C8orf34: variants seen among roughly 807,000 people sequenced by gnomAD.
C8orf34 encodes uncharacterized protein C8orf34.
A neutral mutation model predicts 68.3 loss-of-function variants in C8orf34; 65 were observed. The ratio of observed to expected loss-of-function variants is 0.95; its 90% CI spans 0.78 to 1.17. C8orf34 has a LOEUF of 1.17. C8orf34 is among the 50% of genes most tolerant of loss of function. The pLI is 0.00. For missense variants in C8orf34, 664 were observed against 655.4 expected (o/e 1.01, Z -0.14); for synonymous variants, 244 against 241.2 (o/e 1.01, Z -0.11).
chr8:68,420,106 G>A lies in C8orf34; in HGVS notation c.328-19393G>A, dbSNP rs546106107. On this transcript the variant is annotated intron_variant, in intron 1 of 13. Coordinates refer to ENST00000518698, the MANE Select transcript of C8orf34 (RefSeq NM_052958.4). ...GGAGAAGATAGAAATTCAGGAAAGC[G>A]AGCATTGCATTTGGGGCTACTTTTT... is the stretch of plus-strand genomic sequence containing the variant. Among the ~76,000 whole-genome samples the A allele has an allele frequency of 3.3e-5, 5 of 151,434 alleles. No individual in the cohort carries two copies. The East Asian group carries it at 5.9e-4, about 18-fold the overall frequency.
At chr8:68,498,140 T>C (rs1046956029) in intron 5 of C8orf34, among the ~76,000 whole-genome samples, 2 of 152,200 alleles carry the variant, frequency 1.3e-5, no homozygotes, top group African/African-American at 4.8e-5. Context: ...CATTTGCTTC[T>C]GTGAAAACTA....
chr8:68,783,082 A>AG (rs1234896913), intron 11 of C8orf34, among the ~76,000 whole-genome samples: 1 of 149,596 alleles, frequency 6.7e-6, no homozygotes, highest in African/African-American at 2.5e-5. Flanking sequence ...AAAAAAAAAG[A>AG]AAAAAGAAAA....
chr8:68,774,329 G>GTATATATATATATATATATATATATATA (rs1237765866), intron 10 of C8orf34, among the ~76,000 whole-genome samples: 153 of 126,780 alleles, frequency 1.2e-3, no homozygotes, highest in Middle Eastern at 4.3e-3. Flanking sequence ...ATGGGTGTGT[G>GTATATATATATATATATATATATATATA]TGTATATATA....
chr8:68,749,136 A>G lies in C8orf34; in HGVS notation c.1405-27263A>G, dbSNP rs573524173. Among the ~76,000 whole-genome samples the G allele has an allele frequency of 7.0e-3, 1,066 of 152,014 alleles. 14 individuals are homozygous for G. The highest frequency in any genetic ancestry group is 0.024 in the African/African-American group (1,008 of 41,460). Reference sequence around the variant, plus strand: ...ATCATTCTCAGTAAACTATCGCAAGAACAAAAAACCAAACACCGCATATTC... The same window carrying G: ...ATCATTCTCAGTAAACTATCGCAAGGACAAAAAACCAAACACCGCATATTC... On this transcript the variant is annotated intron_variant, in intron 10 of 13. Transcript: ENST00000518698.
intron 1 of C8orf34, chr8:68,437,811 T>C (rs1018655315): frequency 3.3e-5 from 5 of 152,184 alleles, no homozygotes; most frequent in Admixed American, 6.6e-5. Flanking sequence ...TACTTCTAAC[T>C]CTGTGTTCCA....
chr8:68,335,131 G>T (rs1805796007), intron 1 of C8orf34, among the ~76,000 whole-genome samples: 1 of 152,144 alleles, frequency 6.6e-6, no homozygotes, highest in South Asian at 2.1e-4. Flanking sequence ...TACATGAAAA[G>T]AAATATTTTT....
At chr8:68,737,534 A>G (rs78426092) in intron 10 of C8orf34, among the ~76,000 whole-genome samples, 12,059 of 152,138 alleles carry the variant, frequency 0.079, 525 homozygotes, top group Middle Eastern at 0.16. Flanking sequence ...CCCATCTCAT[A>G]TGCAATGCCA....
At chr8:68,494,867 A>G (rs946008518) in intron 5 of C8orf34, among the ~76,000 whole-genome samples, 1 of 151,034 alleles carries the variant, frequency 6.6e-6, no homozygotes, top group African/African-American at 2.4e-5. Context: ...AAATATATAT[A>G]TATTATATAT....
At chr8:68,694,150 G>A (rs1235184461) in intron 8 of C8orf34, among the ~76,000 whole-genome samples, 7 of 151,960 alleles carry the variant, frequency 4.6e-5, no homozygotes, top group Admixed American at 2.6e-4. Context: ...ATAGGAGGGC[G>A]ATTGATCCAG....
At chr8:68,748,231 C>T (rs1368040297) in intron 10 of C8orf34, among the ~76,000 whole-genome samples, 1 of 134,790 alleles carries the variant, frequency 7.4e-6, no homozygotes, top group Non-Finnish European at 1.6e-5. Context: ...ATACAAAAAT[C>T]AATTCAAGAT....
intron 1 of C8orf34, among the ~76,000 whole-genome samples, chr8:68,409,773 C>T (rs1054276066): frequency 2.0e-5 from 3 of 152,200 alleles, no homozygotes; most frequent in African/African-American, 7.2e-5. Context: ...CCCAGAGCAA[C>T]TTCCAGTCCT....
At chr8:68,714,494 G>A (rs1056076166) in intron 9 of C8orf34, among the ~76,000 whole-genome samples, 2 of 151,996 alleles carry the variant, frequency 1.3e-5, no homozygotes, top group African/African-American at 4.8e-5. Context: ...CGACCAAGCT[G>A]GACAATCAAA....
chr8:68,442,898 G>A (rs1810970957), intron 2 of C8orf34, among the ~76,000 whole-genome samples: 1 of 152,200 alleles, frequency 6.6e-6, no homozygotes, highest in African/African-American at 2.4e-5. Context: ...TCTGAAGTAA[G>A]GCTGTGAGAT....
intron 9 of C8orf34, among the ~76,000 whole-genome samples, chr8:68,717,521 A>G (rs1821510921): frequency 6.6e-6 from 1 of 151,844 alleles, no homozygotes; most frequent in South Asian, 2.1e-4. Flanking sequence ...CAAACACAAA[A>G]TATTGGTTAT....
At chr8:68,390,653 C>T (rs548445281) in intron 1 of C8orf34, among the ~76,000 whole-genome samples, 2 of 152,208 alleles carry the variant, frequency 1.3e-5, no homozygotes, top group East Asian at 3.9e-4. Flanking sequence ...TTTTGGAACA[C>T]AGGGGATCTG....
chr8:68,502,703 G>A (rs1407493033), intron 5 of C8orf34, among the ~76,000 whole-genome samples: 1 of 152,144 alleles, frequency 6.6e-6, no homozygotes, highest in Non-Finnish European at 1.5e-5. Context: ...CTTTACGGAA[G>A]TATTCCAGTA....
chr8:68,706,873 A>G (rs1416701670), intron 8 of C8orf34, among the ~76,000 whole-genome samples: 1 of 152,140 alleles, frequency 6.6e-6, no homozygotes, highest in African/African-American at 2.4e-5. Flanking sequence ...CCTCCCTGGG[A>G]GAGGAGGTCC....
chr8:68,463,800 T>C (rs1177849321), intron 3 of C8orf34, among the ~76,000 whole-genome samples: 2 of 152,120 alleles, frequency 1.3e-5, no homozygotes, highest in African/African-American at 4.8e-5. Flanking sequence ...CTCAAAATAA[T>C]AAGAGCTATT....
At chr8:68,464,959 T>C (rs1812041591) in intron 3 of C8orf34, among the ~76,000 whole-genome samples, 3 of 151,114 alleles carry the variant, frequency 2.0e-5, no homozygotes, top group Admixed American at 2.0e-4. Flanking sequence ...TGGGATCTAA[T>C]TAAACTAAAG....
Sources: gnomAD v4.1 joint callset for allele counts (sites outside exome capture counted in the v4.1 genomes callset) on GRCh38, gnomAD v4.1.1 for gene constraint, MANE v1.5 for transcripts, NCBI Gene and HGNC (gene_info 2026-07-23, HGNC 2026-07-21) for gene names.